NEBL: variants seen among roughly 807,000 people sequenced by gnomAD.
NEBL encodes the protein nebulette.
NEBL carries 122 observed loss-of-function variants against 140.2 expected under a neutral mutation model. The ratio of observed to expected loss-of-function variants is 0.87; its 90% CI spans 0.75 to 1.01. The LOEUF (loss-of-function observed/expected upper bound fraction) is 1.01. Ranked by LOEUF, NEBL falls within the 50% of genes least tolerant of loss-of-function variation. The pLI is 0.00. For synonymous variants in NEBL, 436 were observed against 398.9 expected, an observed-to-expected ratio of 1.09 and a Z score of -1.11; for missense variants, 1,365 against 1,231.3, an observed-to-expected ratio of 1.11 and a Z score of -1.62.
intron 4 of NEBL, among the ~76,000 whole-genome samples, chr10:20,942,072 G>A (rs1393249484): frequency 6.6e-6 from 1 of 152,180 alleles, no homozygotes; most frequent in Middle Eastern, 3.2e-3. Flanking sequence ...TTTCTTCACA[G>A]AATTGGAAAA....
chr10:20,813,848 A>G, intron 23 of NEBL, 91 bp downstream of exon 23: 1 of 854,250 alleles, frequency 1.2e-6, no homozygotes. Flanking sequence ...ATGCTTTGTT[A>G]GTTATCGGAT....
intron 1 of NEBL, among the ~76,000 whole-genome samples, chr10:21,252,783 C>A (rs1842603157): frequency 6.6e-6 from 1 of 152,166 alleles, no homozygotes; most frequent in South Asian, 2.1e-4. Context: ...TAGAGAAACC[C>A]TGTCTCTACT....
At position 21,094,224 on chromosome 10, in the gene NEBL, C is replaced by T. The variant is rs535394769; in HGVS notation, c.165-74023G>A. Among the ~76,000 whole-genome samples the T allele has an allele frequency of 2.2e-4, 33 of 151,966 alleles. 1 individual carries two copies. Among genetic ancestry groups the T allele is most frequent in the Non-Finnish European group, 4.0e-4 (27 of 67,994 alleles). Reference sequence around the variant, plus strand: ...ATATAAAAATTAGCCAGGTGTAGGCCGGAGACGGTGGCTCACGCCTGTAAT... The same window carrying T: ...ATATAAAAATTAGCCAGGTGTAGGCTGGAGACGGTGGCTCACGCCTGTAAT... On this transcript the variant is annotated intron_variant, in intron 2 of 6. Coordinates refer to the NEBL transcript ENST00000417816.
At chr10:21,222,826 G>A (rs181756946) in intron 3 of NEBL, among the ~76,000 whole-genome samples, 5 of 152,228 alleles carry the variant, frequency 3.3e-5, no homozygotes, top group South Asian at 4.1e-4. Context: ...GCAATGGTGC[G>A]ATCTCAGCTC....
chr10:20,875,778 C>T (rs1845443974), intron 5 of NEBL, among the ~76,000 whole-genome samples: 1 of 152,128 alleles, frequency 6.6e-6, no homozygotes, highest in African/African-American at 2.4e-5. Flanking sequence ...CATGGGCAGA[C>T]AGACCTTAAA....
At chr10:20,861,795 C>T (rs189728117) in intron 7 of NEBL, among the ~76,000 whole-genome samples, 40 of 152,276 alleles carry the variant, frequency 2.6e-4, no homozygotes, top group African/African-American at 8.7e-4. Flanking sequence ...TGTTATTAAA[C>T]CTTGCATATG....
chr10:21,118,794 C>A (rs1377451689), intron 2 of NEBL, among the ~76,000 whole-genome samples: 1 of 152,088 alleles, frequency 6.6e-6, no homozygotes, highest in Non-Finnish European at 1.5e-5. Flanking sequence ...CCTATGAATG[C>A]ATAGTCATTT....
At chr10:21,073,346 G>C (rs1032453917) in intron 2 of NEBL, among the ~76,000 whole-genome samples, 9 of 151,546 alleles carry the variant, frequency 5.9e-5, no homozygotes, top group Non-Finnish European at 1.0e-4. Context: ...GCCAGACACG[G>C]TGGCTCATGC....
chr10:20,888,157 C>T lies in NEBL; in HGVS notation c.309G>A (p.Lys103=). The T allele has an allele frequency of 1.9e-6, 3 of 1,613,686 alleles. No individual in the cohort carries two copies. The highest frequency in any genetic ancestry group is 1.3e-5 in the African/African-American group (1 of 74,926). The change falls in exon 4 of 28, where the codon AAG becomes AAA. Residue 103 remains lysine (K), a synonymous_variant. Transcript: ENST00000377122. ...CACTGTCAATTGTGGCTGGCATCCG[C>T]TTATAAAGAGAATTAGAAAGGTCAG... ...IKADLSNSLY[K]RMPATIDSVF...
intron 13 of NEBL, among the ~76,000 whole-genome samples, chr10:20,837,032 T>G (rs1840969424): frequency 6.6e-6 from 1 of 152,118 alleles, no homozygotes; most frequent in Non-Finnish European, 1.5e-5. Context: ...CCCTATTCCC[T>G]AAGTCAAAAC....
intron 2 of NEBL, among the ~76,000 whole-genome samples, chr10:21,067,188 G>A (rs1420414125): frequency 6.6e-6 from 1 of 151,932 alleles, no homozygotes; most frequent in Non-Finnish European, 1.5e-5. Flanking sequence ...AGCCAGGATG[G>A]TCTCGATCTC....
At chr10:21,006,075 CACAGGCATACCTCCAAGGCATGT>C (rs1390063006) in intron 3 of NEBL, among the ~76,000 whole-genome samples, 1 of 152,146 alleles carries the variant, frequency 6.6e-6, no homozygotes, top group African/African-American at 2.4e-5. Context: ...AGCAACACTT[CACAGGCATACCTCCAAGGCATGT>C]GGCTATAGAG....
chr10:21,149,975 A>G lies in NEBL; in HGVS notation c.164+22408T>C, dbSNP rs539541142. ...GCTGTGGGGTAAAAGCAGAGGAAAAACAGTTTGTGTTTTTTCCACTCAGAA... is the reference window on the plus strand; with the variant it reads ...GCTGTGGGGTAAAAGCAGAGGAAAAGCAGTTTGTGTTTTTTCCACTCAGAA... On this transcript the variant is annotated intron_variant, in intron 2 of 6. Coordinates refer to the NEBL transcript ENST00000417816. Among the ~76,000 whole-genome samples the G allele has an allele frequency of 1.3e-4, 20 of 152,216 alleles. No individual in the cohort carries two copies. In the South Asian group the frequency reaches 3.5e-3, roughly 27 times the overall value.
Position 20,785,291 on chromosome 10 carries a change from T to C in NEBL, c.*456A>G. The C allele has an allele frequency of 4.9e-6, 1 of 205,350 alleles. No homozygotes were observed. Among genetic ancestry groups the C allele is most frequent in the Non-Finnish European group, 1.0e-5 (1 of 100,454 alleles). The allele number at this position is 205,350 out of a possible 1,614,324, so 12.7% of individuals were successfully genotyped here. A position where few individuals can be genotyped will look rare whatever the true frequency, so the allele number is the denominator to read the frequency against. On this transcript the variant is annotated 3_prime_UTR_variant, in exon 28 of 28. Coordinates refer to ENST00000377122, the MANE Select transcript of NEBL (RefSeq NM_006393.3). The stretch of plus-strand genomic sequence containing the variant: ...ACTTATTATATTGGGCAATTTTCAC[T>C]AATATTGGAAATTGCCTCATGACTC...
chr10:21,238,802 T>TC (rs1429768837), intron 3 of NEBL, among the ~76,000 whole-genome samples: 5 of 149,008 alleles, frequency 3.4e-5, no homozygotes, highest in East Asian at 4.0e-4. Context: ...TCTTTTAAGA[T>TC]CCCCCCCAAA....
chr10:20,981,405 T>TA (rs202215550), intron 3 of NEBL, among the ~76,000 whole-genome samples: 29 of 143,726 alleles, frequency 2.0e-4, no homozygotes, highest in Admixed American at 9.3e-4. Context: ...CTGCATCTCA[T>TA]AAAAAAAACA....
At chr10:21,203,202 G>A (rs1239877619) in intron 3 of NEBL, among the ~76,000 whole-genome samples, 3 of 152,144 alleles carry the variant, frequency 2.0e-5, no homozygotes, top group Admixed American at 6.5e-5. Context: ...TGAGATAGAA[G>A]AACACGACTA....
At chr10:21,134,125 C>T (rs556554622) in intron 2 of NEBL, among the ~76,000 whole-genome samples, 1 of 152,002 alleles carries the variant, frequency 6.6e-6, no homozygotes, top group Non-Finnish European at 1.5e-5. Context: ...ACTCAGGAGG[C>T]TGAGGCAGGA....
At position 20,909,050 on chromosome 10, in the gene NEBL, G is replaced by T. The variant is rs1848218843; in HGVS notation, c.357+52622C>A. On this transcript the variant is annotated intron_variant, in intron 4 of 6. Transcript: ENST00000417816. ...ACACAGTAGGTATATATATTTATGG[G>T]GTACATGAAATGTTTTGATCCAGGC... 2.0e-5 allele frequency among the ~76,000 whole-genome samples: 3 copies of T among 151,404 alleles called. No homozygotes were observed. In the South Asian group the frequency reaches 6.3e-4, roughly 32 times the overall value.
Sources: gnomAD v4.1 joint callset for allele counts (sites outside exome capture counted in the v4.1 genomes callset) on GRCh38, gnomAD v4.1.1 for gene constraint, MANE v1.5 for transcripts, NCBI Gene and HGNC (gene_info 2026-07-23, HGNC 2026-07-21) for gene names.